The following IKZF1 variants were observed in gnomAD, a reference collection of about 807,000 sequenced individuals.
The protein encoded by IKZF1 is DNA-binding protein Ikaros.
IKZF1 carries 10 observed loss-of-function variants against 51.7 expected under a neutral mutation model. The observed-to-expected ratio is 0.19, with a 90% CI of 0.12 to 0.33. The LOEUF is 0.33. Among genes scored for constraint, IKZF1 ranks in the 10% least tolerant of loss-of-function variants. The probability of loss-of-function intolerance (pLI) is 1.00; values close to 1 mark genes in which losing one functional copy is unlikely to be tolerated. For missense variants in IKZF1, 484 were observed against 707.5 expected, an observed-to-expected ratio of 0.68 and a Z score of 3.58; for synonymous variants, 280 against 282.3, an observed-to-expected ratio of 0.99 and a Z score of 0.08.
chr7:50,335,202 A>G (rs1377121658), intron 3 of IKZF1, among the ~76,000 whole-genome samples: 2 of 117,200 alleles, frequency 1.7e-5, no homozygotes, highest in African/African-American at 6.7e-5. Flanking sequence ...TGGTGTGGAT[A>G]TGTATATGGG....
chr7:50,312,367 G>A (rs1030533262), intron 1 of IKZF1, among the ~76,000 whole-genome samples: 2 of 152,124 alleles, frequency 1.3e-5, no homozygotes, highest in African/African-American at 4.8e-5. Context: ...CGTGTGAACC[G>A]TGCACCCCTA....
intron 3 of IKZF1, among the ~76,000 whole-genome samples, chr7:50,357,040 TTCGGAGGGCCA>T: frequency 6.6e-6 from 1 of 152,034 alleles, no homozygotes; most frequent in Non-Finnish European, 1.5e-5. Flanking sequence ...CTCACCGGGC[TTCGGAGGGCCA>T]TGGGTGTGTG....
chr7:50,334,505 ATG>A (rs1217109676), intron 3 of IKZF1, among the ~76,000 whole-genome samples: 2 of 151,234 alleles, frequency 1.3e-5, no homozygotes, highest in Admixed American at 6.6e-5. Flanking sequence ...GTGTGCATGT[ATG>A]TGTGTGGTGT....
rs1817968305 is a variant in IKZF1 at position 50,400,743 on chromosome 7, T to C, written c.*116T>C. On this transcript the variant is annotated 3_prime_UTR_variant, in exon 8 of 8. Transcript: ENST00000331340. The surrounding 1 kb of genome is among the most constrained non-coding windows in gnomAD (Gnocchi z 5.4). Reference sequence around the variant, plus strand: ...GGACTGGACCAGACAATGTTGTGTTTGGATTTGTAACTGTTTTTTGTTTTT... The same window carrying C: ...GGACTGGACCAGACAATGTTGTGTTCGGATTTGTAACTGTTTTTTGTTTTT... 7.7e-7 allele frequency: 1 copy of C among 1,292,444 alleles called. No individual in the cohort carries two copies. The highest frequency in any genetic ancestry group is 1.0e-6 in the Non-Finnish European group (1 of 952,868). The allele number at this position is 1,292,444 out of a possible 1,614,324, so 80.1% of individuals were successfully genotyped here. A position where few individuals can be genotyped will look rare whatever the true frequency, so the allele number is the denominator to read the frequency against.
chr7:50,327,534 C>A, intron 2 of IKZF1, 104 bp from the exon 3 acceptor site: 1 of 1,382,316 alleles, frequency 7.2e-7, no homozygotes, highest in Non-Finnish European at 9.7e-7. Flanking sequence ...CTGGCTCCAC[C>A]CAGTACCTGC....
At chr7:50,358,799 GA>G (rs987292982) in intron 3 of IKZF1, among the ~76,000 whole-genome samples, 3 of 149,088 alleles carry the variant, frequency 2.0e-5, no homozygotes, top group African/African-American at 4.9e-5. Context: ...AGAAGAAAAA[GA>G]AAAAAAAAGC....
chr7:50,383,607 AT>A (rs543331249), intron 5 of IKZF1, among the ~76,000 whole-genome samples: 75 of 152,316 alleles, frequency 4.9e-4, no homozygotes, highest in African/African-American at 1.7e-3. Context: ...TTGCTGTAGC[AT>A]ACTGCATGAG....
intron 3 of IKZF1, among the ~76,000 whole-genome samples, chr7:50,348,846 G>A (rs1801064577): frequency 6.6e-6 from 1 of 152,204 alleles, no homozygotes; most frequent in African/African-American, 2.4e-5. Context: ...TTCAACAAAG[G>A]AGATAGGCCC....
At position 50,376,512 on chromosome 7, in the gene IKZF1, C is replaced by T. The variant is rs770933583; in HGVS notation, c.161-21C>T. 2.5e-6 allele frequency: 4 copies of T among 1,611,340 alleles called. No individual in the cohort carries two copies. Among genetic ancestry groups the T allele is most frequent in the Non-Finnish European group, 3.4e-6 (4 of 1,178,142 alleles). On this transcript the variant is annotated intron_variant, in intron 3 of 7. Transcript: ENST00000331340. The surrounding 1 kb of genome is among the most constrained non-coding windows in gnomAD (Gnocchi z 4.5). ...TTTTTTTGCAATGACACTGAGTGGC[C>T]TCCTGTATTGTTTCTTTCAGCCAGT...
At chr7:50,326,311 C>A (rs1392254835) in intron 2 of IKZF1, among the ~76,000 whole-genome samples, 1 of 152,216 alleles carries the variant, frequency 6.6e-6, no homozygotes, top group East Asian at 1.9e-4. Context: ...GTGTTCATAT[C>A]ATTTTGCCTG....
chr7:50,388,720 A>G (rs1006930684), intron 6 of IKZF1: 3 of 152,236 alleles, frequency 2.0e-5, no homozygotes, highest in Non-Finnish European at 4.4e-5. Flanking sequence ...ATTAATTCAC[A>G]TGGCCAGACC....
intron 3 of IKZF1, among the ~76,000 whole-genome samples, chr7:50,365,209 G>C (rs927518023): frequency 2.0e-5 from 3 of 152,164 alleles, no homozygotes; most frequent in African/African-American, 7.2e-5. Flanking sequence ...CACATTTGCT[G>C]TTGTACATAA....
rs920453459 is a variant in IKZF1, at chr7:50,400,867, A to G, written c.*240A>G. The G allele has an allele frequency of 1.3e-5, 7 of 558,278 alleles. No individual in the cohort carries two copies. The highest frequency in any genetic ancestry group is 9.5e-5 in the African/African-American group (5 of 52,724). 34.6% of individuals were successfully genotyped at this position (558,278 alleles called of 1,614,324 possible). On this transcript the variant is annotated 3_prime_UTR_variant, in exon 8 of 8. Transcript: ENST00000331340. The surrounding 1 kb of genome is among the most constrained non-coding windows in gnomAD (Gnocchi z 5.4). ...GAGCATCCAGAACTGCTACCTTCCT[A>G]GATGTTTCCCCAGACCGCTGGCTGA...
upstream of IKZF1, among the ~76,000 whole-genome samples, chr7:50,303,509 C>G (rs1250910715): frequency 2.0e-5 from 3 of 152,172 alleles, no homozygotes; most frequent in Admixed American, 2.0e-4. The surrounding 1 kb of genome is among the most constrained non-coding windows in gnomAD (Gnocchi z 4.7). Context: ...TAACTTCTGC[C>G]GTGAGCAGGT....
intron 5 of IKZF1, among the ~76,000 whole-genome samples, chr7:50,383,326 GGAGTCTTGACAAGATCATCATAGGC>G (rs1812395078): frequency 2.0e-5 from 3 of 152,140 alleles, no homozygotes; most frequent in African/African-American, 7.2e-5. Flanking sequence ...CACATAATCT[GGAGTCTTGACAAGATCATCATAGGC>G]ATAAACGCTC....
At chr7:50,323,429 A>C (rs1282527344) in intron 2 of IKZF1, among the ~76,000 whole-genome samples, 1 of 152,226 alleles carries the variant, frequency 6.6e-6, no homozygotes, top group East Asian at 1.9e-4. Context: ...TGCATTTAGG[A>C]GAGGCGGGAT....
intron 2 of IKZF1, among the ~76,000 whole-genome samples, chr7:50,320,633 T>G (rs1253300928): frequency 6.6e-6 from 1 of 152,240 alleles, no homozygotes. Flanking sequence ...TTTCTACTTA[T>G]AATGATGACA....
rs771700884 is a variant in IKZF1 at position 50,400,547 on chromosome 7, A to G, written c.1480A>G (p.Met494Val). The change falls in exon 8 of 8, where the codon ATG becomes GTG. Residue 494 changes from methionine (M) to valine (V), a missense_variant. Physicochemically the swap from Met to Val is conservative, Grantham distance 21. Transcript: ENST00000331340. This position sits in a 1 kb window ranked among gnomAD's most constrained non-coding sequence, Gnocchi z 5.4. Reference sequence around the variant, plus strand: ...CTTCCGTGATCCTTTTGAGTGCAACATGTGCGGCTACCACAGCCAGGACCG... The same window carrying G: ...CTTCCGTGATCCTTTTGAGTGCAACGTGTGCGGCTACCACAGCCAGGACCG... Reference protein sequence around the residue: ...HGFRDPFECNMCGYHSQDRYE... With the variant: ...HGFRDPFECNVCGYHSQDRYE... 6.2e-7 allele frequency: 1 copy of G among 1,614,040 alleles called. No individual in the cohort carries two copies.
intron 3 of IKZF1, among the ~76,000 whole-genome samples, chr7:50,335,322 T>C (rs1218541400): frequency 7.0e-6 from 1 of 143,576 alleles, no homozygotes; most frequent in Non-Finnish European, 1.5e-5. Context: ...GTATGTGGTG[T>C]GTATGTGTGT....
Sources: allele counts gnomAD v4.1 joint callset (sites outside exome capture counted in the v4.1 genomes callset), GRCh38; gene constraint gnomAD v4.1.1; non-coding constraint Gnocchi (gnomAD v3.1); transcripts MANE v1.5; gene names NCBI Gene and HGNC (gene_info 2026-07-23, HGNC 2026-07-21).